PLEKHM3: variants seen among roughly 807,000 people sequenced by gnomAD.
The protein encoded by PLEKHM3 is pleckstrin homology domain-containing family M member 3.
PLEKHM3 carries 45 observed loss-of-function variants against 81.8 expected under a neutral mutation model. The observed-to-expected ratio is 0.55, with a 90% CI of 0.43 to 0.71. PLEKHM3 has a LOEUF of 0.71. PLEKHM3 is among the 30% of genes least tolerant of loss of function. PLEKHM3 has a pLI of 0.00. For missense variants in PLEKHM3, 788 were observed against 924.3 expected (o/e 0.85, Z 1.91); for synonymous variants, 352 against 356.4 (o/e 0.99, Z 0.14).
At chr2:207,928,081 C>T (rs1039598864) in intron 5 of PLEKHM3, among the ~76,000 whole-genome samples, 1 of 152,144 alleles carries the variant, frequency 6.6e-6, no homozygotes, top group Non-Finnish European at 1.5e-5. Context: ...TTGTTACTAG[C>T]ACACTTTTCT....
At position 207,914,494 on chromosome 2, in the gene PLEKHM3, G is replaced by A. The variant is rs373640337; in HGVS notation, c.1887-5917C>T. Among the ~76,000 whole-genome samples the A allele has an allele frequency of 3.7e-4, 54 of 147,480 alleles. No individual in the cohort carries two copies. The East Asian group carries it at 0.01, about 28-fold the overall frequency. Reference sequence around the variant, plus strand: ...GCCTGGGCAATAAGAATGAAACTCCGTCTCAAAAAAAAAAACAAAAAACAA... The same window carrying A: ...GCCTGGGCAATAAGAATGAAACTCCATCTCAAAAAAAAAAACAAAAAACAA... On this transcript the variant is annotated intron_variant, in intron 5 of 7. Transcript: ENST00000427836.
intron 1 of PLEKHM3, among the ~76,000 whole-genome samples, chr2:208,018,357 G>A: frequency 7.8e-6 from 1 of 128,758 alleles, no homozygotes; most frequent in Admixed American, 9.3e-5. Context: ...TGGCAACAGA[G>A]CAAGACTCTG....
At chr2:207,844,943 C>A (rs2092374900) in intron 7 of PLEKHM3, among the ~76,000 whole-genome samples, 1 of 152,172 alleles carries the variant, frequency 6.6e-6, no homozygotes, top group Non-Finnish European at 1.5e-5. Flanking sequence ...TTGCTAAGCT[C>A]CCCCTAGCTC....
At chr2:207,972,785 C>T (rs970914584) in intron 3 of PLEKHM3, among the ~76,000 whole-genome samples, 2 of 152,060 alleles carry the variant, frequency 1.3e-5, no homozygotes, top group African/African-American at 2.4e-5. Flanking sequence ...TTTTGCATAA[C>T]CATGGTCCAT....
intron 3 of PLEKHM3, among the ~76,000 whole-genome samples, chr2:207,948,690 C>T (rs1342693148): frequency 6.6e-6 from 1 of 152,116 alleles, no homozygotes; most frequent in Non-Finnish European, 1.5e-5. Flanking sequence ...ACTACAGACG[C>T]CCGCCACCAC....
In PLEKHM3 at chr2:208,001,587, T is replaced by C; in HGVS notation, c.53A>G (p.Glu18Gly). The C allele has an allele frequency of 6.2e-7, 1 of 1,614,200 alleles. No individual in the cohort carries two copies. Among genetic ancestry groups the C allele is most frequent in the South Asian group, 1.1e-5 (1 of 91,086 alleles). Residue 18 changes from glutamate to glycine, a missense_variant, in exon 2 of 8, where the codon GAA (glutamate) becomes GGA (glycine). Glu to Gly is a moderately conservative substitution (Grantham distance 98). Transcript: ENST00000427836. ...ATTACTATCCAAAGTACTAAAGAAT[T>C]CCTCCGTAACTTCTAAGGCTGGGCT... ...DISPALEVTE[E>G]FFSTLDSNLE...
chr2:207,956,499 C>A (rs900397970), intron 3 of PLEKHM3, among the ~76,000 whole-genome samples: 30 of 151,578 alleles, frequency 2.0e-4, no homozygotes, highest in Non-Finnish European at 4.1e-4. Context: ...GATATAGGAA[C>A]AACCAGAGTT....
chr2:207,841,486 T>C (rs6743522), intron 7 of PLEKHM3, among the ~76,000 whole-genome samples: 3 of 49,182 alleles, frequency 6.1e-5, no homozygotes, highest in Non-Finnish European at 7.6e-5. Flanking sequence ...AAAAAATATA[T>C]ATATATATAT....
At chr2:207,835,629 A>C (rs2092314841) in intron 7 of PLEKHM3, among the ~76,000 whole-genome samples, 1 of 152,188 alleles carries the variant, frequency 6.6e-6, no homozygotes, top group African/African-American at 2.4e-5. Context: ...ATGAACCTTA[A>C]GATGTAAAGC....
At chr2:207,962,502 T>A (rs1690771516) in intron 3 of PLEKHM3, among the ~76,000 whole-genome samples, 1 of 152,234 alleles carries the variant, frequency 6.6e-6, no homozygotes, top group South Asian at 2.1e-4. Flanking sequence ...GTATAGCATT[T>A]TCCTGAGTTC....
At chr2:207,964,049 T>C (rs981255641) in intron 3 of PLEKHM3, among the ~76,000 whole-genome samples, 2 of 152,134 alleles carry the variant, frequency 1.3e-5, no homozygotes, top group East Asian at 3.9e-4. Flanking sequence ...CCGTCTCTAC[T>C]AAAAATACAA....
chr2:207,913,151 G>A (rs1688862901), intron 5 of PLEKHM3, among the ~76,000 whole-genome samples: 2 of 152,120 alleles, frequency 1.3e-5, no homozygotes, highest in South Asian at 2.1e-4. Flanking sequence ...GAGTTGTCTT[G>A]GTGGGGGAAA....
chr2:207,869,294 C>G (rs766247321), intron 6 of PLEKHM3, among the ~76,000 whole-genome samples: 9 of 152,166 alleles, frequency 5.9e-5, no homozygotes, highest in Non-Finnish European at 1.0e-4. Flanking sequence ...CCTCAAAGGG[C>G]ATGTCTACGT....
chr2:207,976,232 T>G lies in PLEKHM3; in HGVS notation c.1546+419A>C, dbSNP rs1459236026. Among the ~76,000 whole-genome samples, 1 of 152,244 alleles carries G rather than the reference T, an allele frequency of 6.6e-6. No individual in the cohort carries two copies. The highest frequency in any genetic ancestry group is 2.4e-5 in the African/African-American group (1 of 41,466). On this transcript the variant is annotated intron_variant, in intron 3 of 7. Transcript: ENST00000427836. The surrounding 1 kb of genome is among the most constrained non-coding windows in gnomAD (Gnocchi z 4.1). ...CAGTTACTGACTGTGGCCATTTTCC[T>G]TGCCTAAGGAGTTTTAGTAGTCAGC...
At chr2:208,010,492 ACT>A (rs1692653790) in intron 1 of PLEKHM3, among the ~76,000 whole-genome samples, 1 of 152,230 alleles carries the variant, frequency 6.6e-6, no homozygotes, top group Admixed American at 6.5e-5. Flanking sequence ...GGCAGAGAAC[ACT>A]GACTAGAAAA....
At chr2:207,917,727 A>G (rs554279976) in intron 5 of PLEKHM3, among the ~76,000 whole-genome samples, 2 of 152,276 alleles carry the variant, frequency 1.3e-5, no homozygotes, top group South Asian at 4.1e-4. Flanking sequence ...ATGCAGCTGT[A>G]GTCCCAGCTA....
At chr2:207,990,803 T>C (rs973893181) in intron 2 of PLEKHM3, among the ~76,000 whole-genome samples, 1 of 152,232 alleles carries the variant, frequency 6.6e-6, no homozygotes, top group African/African-American at 2.4e-5. Flanking sequence ...ACTAGTCTTT[T>C]CTATGGCTAC....
At chr2:207,899,818 T>C (rs1688358698) in intron 6 of PLEKHM3, among the ~76,000 whole-genome samples, 1 of 152,202 alleles carries the variant, frequency 6.6e-6, no homozygotes, top group Admixed American at 6.5e-5. Context: ...AGAAACACTG[T>C]AGATCAGATC....
At chr2:207,832,347 G>A (rs551752096) in intron 7 of PLEKHM3, among the ~76,000 whole-genome samples, 1 of 152,204 alleles carries the variant, frequency 6.6e-6, no homozygotes, top group East Asian at 1.9e-4. Flanking sequence ...ATAAGGGGAG[G>A]AAAAGGAAGG....
Sources: allele counts gnomAD v4.1 joint callset (sites outside exome capture counted in the v4.1 genomes callset), GRCh38; gene constraint gnomAD v4.1.1; non-coding constraint Gnocchi (gnomAD v3.1); transcripts MANE v1.5; gene names NCBI Gene and HGNC (gene_info 2026-07-23, HGNC 2026-07-21).